The following FAM83F variants were observed in gnomAD, a reference collection of about 807,000 sequenced individuals.
FAM83F encodes the protein protein FAM83F.
A neutral mutation model predicts 42.9 loss-of-function variants in FAM83F; 45 were observed. The ratio of observed to expected loss-of-function variants is 1.05; its 90% CI spans 0.83 to 1.35. The LOEUF is 1.35. Ranked by LOEUF, FAM83F falls within the 40% of genes most tolerant of loss-of-function variation. The pLI is 0.00. For synonymous variants in FAM83F, 306 were observed against 298.3 expected (o/e 1.03, Z -0.27); for missense variants, 617 against 695.9 (o/e 0.89, Z 1.28).
intron 1 of FAM83F, among the ~76,000 whole-genome samples, chr22:40,011,432 C>T (rs2067463267): frequency 6.6e-6 from 1 of 152,206 alleles, no homozygotes; most frequent in African/African-American, 2.4e-5. Flanking sequence ...ATCCGCCCGC[C>T]TCGGCCTCCC....
intron 1 of FAM83F, among the ~76,000 whole-genome samples, chr22:40,014,731 A>G (rs1249137883): frequency 6.6e-6 from 1 of 152,104 alleles, no homozygotes; most frequent in Non-Finnish European, 1.5e-5. Context: ...GTCTTTTTAA[A>G]CAGCCGGTTT....
At position 40,036,383 on chromosome 22, in the gene FAM83F, G is replaced by A. The variant is rs1291483215; in HGVS notation, c.*6818G>A. 1.3e-5 allele frequency: 2 copies of A among 152,132 alleles called. No individual in the cohort carries two copies. Among genetic ancestry groups the A allele is most frequent in the African/African-American group, 4.8e-5 (2 of 41,414 alleles). 9.4% of individuals were successfully genotyped at this position (152,132 alleles called of 1,614,324 possible). On this transcript the variant is annotated 3_prime_UTR_variant, in exon 5 of 5. Transcript: ENST00000333407. ...GAAAACCTGCCAGAGATGCCATTTC[G>A]GAGCCACTCTGCTTGGCAGGGACCT...
At chr22:40,012,882 G>C (rs1234133892) in intron 1 of FAM83F, among the ~76,000 whole-genome samples, 1 of 149,064 alleles carries the variant, frequency 6.7e-6, no homozygotes, top group Non-Finnish European at 1.5e-5. Flanking sequence ...GACCATCCTG[G>C]CTAACACGGT....
At chr22:40,007,454 C>G (rs1315646162) in intron 1 of FAM83F, among the ~76,000 whole-genome samples, 1 of 11,340 alleles carries the variant, frequency 8.8e-5, no homozygotes, top group Non-Finnish European at 1.6e-4. Flanking sequence ...TCTCCTCCTC[C>G]TCTCCTCTCC....
rs374503028 is a variant in FAM83F at position 40,026,445 on chromosome 22, G to A, written c.1454-3071G>A. ...TGAAACAGGAGAATCTCTTGAACCC[G>A]GGAGGTGGAGGTTGCAGTGAGTGGA... On this transcript the variant is annotated intron_variant, in intron 4 of 4. Transcript: ENST00000333407. Among the ~76,000 whole-genome samples, 7 of 152,240 alleles carry A rather than the reference G, an allele frequency of 4.6e-5. No homozygotes were observed. The South Asian group carries it at 8.3e-4, about 18-fold the overall frequency.
rs988445570 is a variant in FAM83F, at chr22:40,041,079, G to C, written c.*11514G>C. ...CTCTCAAGGGAAAAAAGGAAGGCCTGTTGCTTGAGATGGCTCAGAGCACTT... is the reference window on the plus strand; with the variant it reads ...CTCTCAAGGGAAAAAAGGAAGGCCTCTTGCTTGAGATGGCTCAGAGCACTT... On this transcript the variant is annotated 3_prime_UTR_variant, in exon 5 of 5. Transcript: ENST00000333407. 6.6e-6 allele frequency: 1 copy of C among 152,316 alleles called. No individual in the cohort carries two copies. Among genetic ancestry groups the C allele is most frequent in the African/African-American group, 2.4e-5 (1 of 41,560 alleles). 9.4% of individuals were successfully genotyped at this position (152,316 alleles called of 1,614,324 possible). A position where few individuals can be genotyped will look rare whatever the true frequency, so the allele number is the denominator to read the frequency against.
intron 1 of FAM83F, among the ~76,000 whole-genome samples, chr22:39,998,516 G>A (rs1171175618): frequency 6.6e-6 from 1 of 151,584 alleles, no homozygotes; most frequent in South Asian, 2.1e-4. Context: ...TGAATGGGGG[G>A]TGAGGGGGGA....
chr22:40,029,743 C>T lies in FAM83F; in HGVS notation c.*178C>T. On this transcript the variant is annotated 3_prime_UTR_variant, in exon 5 of 5. Transcript: ENST00000333407. ...TCCCAAATGAGAGGGTCCGAAGCATCTCAGTCACACGCCTCCACCGGACTG... is the reference window on the plus strand; with the variant it reads ...TCCCAAATGAGAGGGTCCGAAGCATTTCAGTCACACGCCTCCACCGGACTG... The T allele has an allele frequency of 1.2e-6, 1 of 861,806 alleles. No individual in the cohort carries two copies. The highest frequency in any genetic ancestry group is 2.8e-5 in the East Asian group (1 of 35,430). The allele number at this position is 861,806 out of a possible 1,614,324, so 53.4% of individuals were successfully genotyped here. A position where few individuals can be genotyped will look rare whatever the true frequency, so the allele number is the denominator to read the frequency against.
rs537382851 is a variant in FAM83F, at chr22:40,021,178, C to T, written c.780-112C>T. 64 of 1,256,040 alleles carry T rather than the reference C, an allele frequency of 5.1e-5. 1 individual carries two copies. In the East Asian group the frequency reaches 1.2e-3, roughly 24 times the overall value. 77.8% of individuals were successfully genotyped at this position (1,256,040 alleles called of 1,614,324 possible). A position where few individuals can be genotyped will look rare whatever the true frequency, so the allele number is the denominator to read the frequency against. The stretch of plus-strand genomic sequence containing the variant: ...GTCCAGCGTGTGGCCCACAAGGAGC[C>T]GTACACCTGCAGCAAGGGTCTGGCC... On this transcript the variant is annotated intron_variant, in intron 3 of 4. Transcript: ENST00000333407. The surrounding 1 kb of genome is among the most constrained non-coding windows in gnomAD (Gnocchi z 8.7).
In FAM83F at chr22:40,019,904, T is replaced by C. The variant is rs1166019037; in HGVS notation, c.675T>C (p.Ser225=). ...CCCAACAGAACATCCGTGTCCGCTC[T>C]GTGACAGGCGTCGGCTTCTACATGC... ...DFRIRNIRVR[S]VTGVGFYMPM... is the part of the protein sequence containing the mutation. Residue 225 remains serine, a synonymous_variant, in exon 3 of 5, where the codon TCT becomes TCC. Transcript: ENST00000333407. 1 of 1,612,916 alleles carries C rather than the reference T, an allele frequency of 6.2e-7. No individual in the cohort carries two copies.
At chr22:40,019,661 C>G (rs2067509036) in intron 2 of FAM83F, among the ~76,000 whole-genome samples, 1 of 152,170 alleles carries the variant, frequency 6.6e-6, no homozygotes, top group Non-Finnish European at 1.5e-5. Context: ...TGAGAAGAGG[C>G]AGGAACCACC....
At chr22:40,016,386 A>G (rs1027807155) in intron 1 of FAM83F, among the ~76,000 whole-genome samples, 5 of 151,832 alleles carry the variant, frequency 3.3e-5, no homozygotes, top group Admixed American at 2.6e-4. Flanking sequence ...TATTGTAGAG[A>G]TAGGGTTTTG....
rs2067650530 is a variant in FAM83F, at chr22:40,041,595, A to T, written c.*12030A>T. On this transcript the variant is annotated 3_prime_UTR_variant, in exon 5 of 5. Coordinates refer to ENST00000333407, the MANE Select transcript of FAM83F (RefSeq NM_138435.4). ...TGATTGACAGATTGGCTTCCTTCCT[A>T]TAAGTATAGAAAGCGAGGGCAGGTT... 6.6e-6 allele frequency: 1 copy of T among 152,168 alleles called. No homozygotes were observed. Among genetic ancestry groups the T allele is most frequent in the South Asian group, 2.1e-4 (1 of 4,828 alleles). 9.4% of individuals were successfully genotyped at this position (152,168 alleles called of 1,614,324 possible). A position where few individuals can be genotyped will look rare whatever the true frequency, so the allele number is the denominator to read the frequency against.
At chr22:40,001,032 C>T (rs1327311305) in intron 1 of FAM83F, among the ~76,000 whole-genome samples, 1 of 152,214 alleles carries the variant, frequency 6.6e-6, no homozygotes, top group African/African-American at 2.4e-5. Flanking sequence ...GCTGCAGCTC[C>T]AGAGAATAAG....
chr22:40,027,306 G>A lies in FAM83F; in HGVS notation c.1454-2210G>A, dbSNP rs1601773419. 2.0e-5 allele frequency among the ~76,000 whole-genome samples: 3 copies of A among 152,256 alleles called. No homozygotes were observed. In the East Asian group the frequency reaches 5.8e-4, roughly 29 times the overall value. ...GTTTGCACATCATTGTCCTTGTCAT[G>A]GCTTCCATGTGGGTGACCTCTGCCT... On this transcript the variant is annotated intron_variant, in intron 4 of 4. Coordinates refer to ENST00000333407, the MANE Select transcript of FAM83F (RefSeq NM_138435.4).
chr22:40,017,530 G>A (rs1381759760), intron 1 of FAM83F, among the ~76,000 whole-genome samples: 1 of 152,214 alleles, frequency 6.6e-6, no homozygotes, highest in African/African-American at 2.4e-5. Flanking sequence ...ACCATGCCTG[G>A]CCCTGCACTC....
intron 1 of FAM83F, among the ~76,000 whole-genome samples, chr22:40,005,662 G>C (rs551758648): frequency 6.6e-6 from 1 of 152,196 alleles, no homozygotes; most frequent in East Asian, 1.9e-4. Context: ...GGATCAGCTC[G>C]ACAGGGAGTG....
intron 4 of FAM83F, among the ~76,000 whole-genome samples, chr22:40,026,247 G>A (rs890073382): frequency 1.3e-5 from 2 of 152,160 alleles, no homozygotes; most frequent in Non-Finnish European, 2.9e-5. Flanking sequence ...TGGGCCCGGC[G>A]TGGTGGCTCA....
At chr22:40,028,088 A>G (rs1189894099) in intron 4 of FAM83F, among the ~76,000 whole-genome samples, 1 of 152,272 alleles carries the variant, frequency 6.6e-6, no homozygotes, top group East Asian at 1.9e-4. Context: ...GAGCCGCCCC[A>G]GACGTGCTCG....
Sources: allele counts gnomAD v4.1 joint callset (sites outside exome capture counted in the v4.1 genomes callset), GRCh38; gene constraint gnomAD v4.1.1; non-coding constraint Gnocchi (gnomAD v3.1); transcripts MANE v1.5; gene names NCBI Gene and HGNC (gene_info 2026-07-23, HGNC 2026-07-21).